Variants in AFG2A observed in about 807,000 individuals in gnomAD.
AFG2A encodes the protein ATPase family gene 2 protein homolog A.
the AFG2A span, among the ~76,000 whole-genome samples, chr4:122,970,896 CTA>C: frequency 2.0e-5 from 3 of 152,010 alleles, no homozygotes; most frequent in Non-Finnish European, 4.4e-5. Flanking sequence ...TGCAGTGGCA[CTA>C]TCTCAGCTCA....
the AFG2A span, among the ~76,000 whole-genome samples, chr4:122,943,521 A>ATG: frequency 2.3e-4 from 35 of 152,188 alleles, no homozygotes; most frequent in Middle Eastern, 6.8e-3. Context: ...TTTTGAGCCT[A>ATG]TGTGTGTCTC....
the AFG2A span, among the ~76,000 whole-genome samples, chr4:123,262,950 A>G: frequency 6.6e-6 from 1 of 152,198 alleles, no homozygotes; most frequent in South Asian, 2.1e-4. Context: ...ATGGAAAGGC[A>G]GAGATGAATG....
chr4:123,005,286 G>A, the AFG2A span, among the ~76,000 whole-genome samples: 19 of 152,104 alleles, frequency 1.2e-4, no homozygotes, highest in Non-Finnish European at 8.8e-5. Context: ...GAGTAGCTGG[G>A]ATTACAGGCA....
chr4:123,017,725 G>T, the AFG2A span, among the ~76,000 whole-genome samples: 1 of 151,886 alleles, frequency 6.6e-6, no homozygotes, highest in Non-Finnish European at 1.5e-5. Flanking sequence ...AAAGAATTTG[G>T]AACAGGTGCC....
chr4:123,009,383 C>T, the AFG2A span, among the ~76,000 whole-genome samples: 1 of 152,336 alleles, frequency 6.6e-6, no homozygotes, highest in South Asian at 2.1e-4. Context: ...CCATAAATCA[C>T]ACTGTCAGTA....
the AFG2A span, among the ~76,000 whole-genome samples, chr4:122,966,630 T>C: frequency 6.6e-6 from 1 of 152,198 alleles, no homozygotes; most frequent in Non-Finnish European, 1.5e-5. Context: ...CAGTTTTTCA[T>C]TTGTGAAATA....
At chr4:123,078,049 G>A in the AFG2A span, among the ~76,000 whole-genome samples, 1 of 152,286 alleles carries the variant, frequency 6.6e-6, no homozygotes, top group African/African-American at 2.4e-5. Flanking sequence ...CACAGAAGTG[G>A]GTTGGACGAT....
the AFG2A span, among the ~76,000 whole-genome samples, chr4:123,081,422 T>A: frequency 6.6e-6 from 1 of 152,200 alleles, no homozygotes; most frequent in Admixed American, 6.5e-5. Flanking sequence ...TTTCATGTAG[T>A]AGTATGCATT....
the AFG2A span, among the ~76,000 whole-genome samples, chr4:123,002,669 G>T: frequency 6.6e-6 from 1 of 152,198 alleles, no homozygotes; most frequent in Non-Finnish European, 1.5e-5. Context: ...TCTGCCGAGA[G>T]ATCCGCTGTT....
chr4:123,245,187 C>T, the AFG2A span, among the ~76,000 whole-genome samples: 7 of 151,966 alleles, frequency 4.6e-5, no homozygotes, highest in Non-Finnish European at 1.0e-4. Context: ...AAGTAAAGGG[C>T]CTGGAGGGGT....
At chr4:122,961,095 T>C in the AFG2A span, among the ~76,000 whole-genome samples, 16,446 of 152,242 alleles carry the variant, frequency 0.11, 1,001 homozygotes, top group Middle Eastern at 0.21. Flanking sequence ...TTGGGTTTTA[T>C]ATCCTCACCA....
the AFG2A span, among the ~76,000 whole-genome samples, chr4:122,946,928 G>T: frequency 2.6e-5 from 4 of 151,978 alleles, no homozygotes; most frequent in Admixed American, 2.6e-4. Flanking sequence ...TTATGAGAAT[G>T]ATACAGTTAA....
chr4:123,189,652 C>T, the AFG2A span, among the ~76,000 whole-genome samples: 1 of 152,010 alleles, frequency 6.6e-6, no homozygotes, highest in South Asian at 2.1e-4. Context: ...CACTCCAGTT[C>T]CCTGACTTTG....
chr4:123,250,110 A>G, the AFG2A span, among the ~76,000 whole-genome samples: 3 of 152,264 alleles, frequency 2.0e-5, no homozygotes, highest in South Asian at 6.2e-4. Flanking sequence ...CTGATTTTTC[A>G]AGGTGTCTAT....
At chr4:123,244,725 G>C in the AFG2A span, among the ~76,000 whole-genome samples, 1 of 152,178 alleles carries the variant, frequency 6.6e-6, no homozygotes, top group African/African-American at 2.4e-5. Context: ...TATGTAATGA[G>C]TTAAAAACCT....
At chr4:122,945,019 G>A in the AFG2A span, among the ~76,000 whole-genome samples, 1 of 152,132 alleles carries the variant, frequency 6.6e-6, no homozygotes, top group Non-Finnish European at 1.5e-5. Flanking sequence ...AGGAATACCC[G>A]GCCGTGTGAG....
the AFG2A span, among the ~76,000 whole-genome samples, chr4:123,018,863 A>T: frequency 6.6e-6 from 1 of 151,526 alleles, no homozygotes; most frequent in South Asian, 2.1e-4. Context: ...AGGCTTTTTA[A>T]GCTGATTCAT....
the AFG2A span, among the ~76,000 whole-genome samples, chr4:123,099,321 A>G: frequency 6.6e-6 from 1 of 151,826 alleles, no homozygotes; most frequent in Non-Finnish European, 1.5e-5. Context: ...ACTATGTTGA[A>G]TGTTTCCTTT....
the AFG2A span, among the ~76,000 whole-genome samples, chr4:123,004,091 T>C: frequency 1.3e-5 from 2 of 152,176 alleles, no homozygotes; most frequent in East Asian, 1.9e-4. Flanking sequence ...CGAGACTCCG[T>C]GGGCGTAGGA....
Sources: allele counts gnomAD v4.1 joint callset (sites outside exome capture counted in the v4.1 genomes callset), GRCh38; gene constraint gnomAD v4.1.1; transcripts MANE v1.5; gene names NCBI Gene and HGNC (gene_info 2026-07-23, HGNC 2026-07-21).